SNRPN: variants seen among roughly 807,000 people sequenced by gnomAD.
The protein encoded by SNRPN is small nuclear ribonucleoprotein polypeptide N.
In SNRPN, 7 loss-of-function variants were observed where a neutral mutation model predicts 25.2. The observed-to-expected ratio is 0.28, with a 90% CI of 0.16 to 0.52. The LOEUF (loss-of-function observed/expected upper bound fraction) is 0.52. SNRPN is among the 20% of genes least tolerant of loss of function. SNRPN has a pLI of 0.96. For synonymous variants in SNRPN, 124 were observed against 110.6 expected (o/e 1.12, Z -0.76); for missense variants, 196 against 322.5 (o/e 0.61, Z 3.00).
At chr15:24,972,652 TTG>T (rs2076572103) in intron 3 of SNRPN, among the ~76,000 whole-genome samples, 1 of 151,672 alleles carries the variant, frequency 6.6e-6, no homozygotes, top group Non-Finnish European at 1.5e-5. Flanking sequence ...CAAAAGTAAT[TTG>T]TGTTTCATTT....
chr15:24,862,360 G>T (rs1292087124), intron 1 of SNRPN, among the ~76,000 whole-genome samples: 1 of 150,732 alleles, frequency 6.6e-6, no homozygotes, highest in African/African-American at 2.5e-5. Context: ...GATTGAGGGT[G>T]GGGAGGCTGG....
At chr15:24,921,745 A>G (rs1365673844) in intron 3 of SNRPN, among the ~76,000 whole-genome samples, 1 of 152,226 alleles carries the variant, frequency 6.6e-6, no homozygotes, top group Non-Finnish European at 1.5e-5. Flanking sequence ...CACTTGGCCT[A>G]TTGAAACTGG....
chr15:24,976,821 G>C, intron 6 of SNRPN, 56 bp from the exon 7 acceptor site: 1 of 1,501,098 alleles, frequency 6.7e-7, no homozygotes, highest in African/African-American at 1.4e-5. Flanking sequence ...TGATGAATAA[G>C]AATACTGAGA....
upstream of SNRPN, among the ~76,000 whole-genome samples, chr15:24,853,286 T>C (rs1009884555): frequency 6.6e-6 from 1 of 152,212 alleles, no homozygotes; most frequent in East Asian, 1.9e-4. Flanking sequence ...CCATCCAGGA[T>C]GACACATCAT....
chr15:24,959,735 A>G (rs533232202), intron 1 of SNRPN, among the ~76,000 whole-genome samples: 6 of 152,210 alleles, frequency 3.9e-5, no homozygotes, highest in Non-Finnish European at 8.8e-5. Flanking sequence ...TATGGCTGAA[A>G]GACATTCGTT....
At position 24,889,125 on chromosome 15, in the gene SNRPN, C is replaced by T. The variant is rs557425030; in HGVS notation, c.-505+2536C>T. 1.8e-4 allele frequency among the ~76,000 whole-genome samples: 27 copies of T among 152,030 alleles called. No individual in the cohort carries two copies. In the South Asian group the frequency reaches 5.4e-3, roughly 30 times the overall value. ...TAGAGACAGGGTTTCACCATGTTGG[C>T]CAGGCTGGTCTCGAACTCCTGACCT... On this transcript the variant is annotated intron_variant, in intron 2 of 11. Transcript: ENST00000400097.
upstream of SNRPN, among the ~76,000 whole-genome samples, chr15:24,951,757 C>T (rs569114057): frequency 6.6e-6 from 1 of 152,178 alleles, no homozygotes; most frequent in Non-Finnish European, 1.5e-5. Flanking sequence ...ATCTGCCTGC[C>T]TCAGTCTCCC....
rs1238471646 is a variant in SNRPN, at chr15:24,975,529, A to G, written c.155+20A>G. Reference sequence around the variant, plus strand: ...GATCAAGTAAGGCTGATTTGGGCAAATGGGGGTTGGACACAGAGGCAGTGG... The same window carrying G: ...GATCAAGTAAGGCTGATTTGGGCAAGTGGGGGTTGGACACAGAGGCAGTGG... On this transcript the variant is annotated intron_variant, in intron 5 of 9. Transcript: ENST00000390687. The G allele has an allele frequency of 6.2e-7, 1 of 1,608,618 alleles. No homozygotes were observed. Among genetic ancestry groups the G allele is most frequent in the Non-Finnish European group, 8.5e-7 (1 of 1,176,782 alleles).
chr15:24,873,853 T>C (rs1010416600), intron 1 of SNRPN, among the ~76,000 whole-genome samples: 8 of 152,098 alleles, frequency 5.3e-5, no homozygotes, highest in Non-Finnish European at 7.3e-5. Context: ...GAGTGAGAGA[T>C]GCAGCTGATC....
chr15:24,927,605 G>C (rs2060507461), intron 3 of SNRPN, among the ~76,000 whole-genome samples: 1 of 144,892 alleles, frequency 6.9e-6, no homozygotes, highest in African/African-American at 2.5e-5. Context: ...GATAATCATA[G>C]TAAAGATATT....
chr15:24,948,454 G>A (rs991807920), intron 3 of SNRPN, among the ~76,000 whole-genome samples: 1 of 152,062 alleles, frequency 6.6e-6, no homozygotes, highest in African/African-American at 2.4e-5. Flanking sequence ...AGATAGGAGA[G>A]AGTTCCCATG....
intron 2 of SNRPN, among the ~76,000 whole-genome samples, chr15:24,918,550 G>A (rs12439731): frequency 8.5e-5 from 9 of 105,418 alleles, no homozygotes; most frequent in South Asian, 3.1e-4. Flanking sequence ...ATATATGTGT[G>A]TATATATAAC....
At chr15:24,840,808 C>G (rs942233837) in intron 2 of SNRPN, among the ~76,000 whole-genome samples, 2 of 152,144 alleles carry the variant, frequency 1.3e-5, no homozygotes, top group African/African-American at 4.8e-5. Flanking sequence ...CCTTTTTGAC[C>G]AGCTAAACTG....
chr15:24,911,393 G>A (rs2059205915), intron 2 of SNRPN, among the ~76,000 whole-genome samples: 1 of 152,130 alleles, frequency 6.6e-6, no homozygotes, highest in African/African-American at 2.4e-5. Flanking sequence ...AACCATCACA[G>A]GCCCAAAGTG....
At position 24,978,656 on chromosome 15, in the gene SNRPN, C is replaced by T. The variant is rs2077328563; in HGVS notation, c.*212C>T. The T allele has an allele frequency of 1.2e-5, 7 of 590,512 alleles. No homozygotes were observed. The highest frequency in any genetic ancestry group is 1.8e-5 in the Non-Finnish European group (6 of 334,320). 36.6% of individuals were successfully genotyped at this position (590,512 alleles called of 1,614,324 possible). A position where few individuals can be genotyped will look rare whatever the true frequency, so the allele number is the denominator to read the frequency against. The stretch of plus-strand genomic sequence containing the variant: ...AAGTTACTGTGGATGAGGGTGATGC[C>T]TATTAAGCAGTTGATTCAAATCATA... On this transcript the variant is annotated 3_prime_UTR_variant, in exon 10 of 10. Transcript: ENST00000390687.
intron 3 of SNRPN, among the ~76,000 whole-genome samples, chr15:24,943,348 T>C (rs544899397): frequency 4.5e-4 from 69 of 152,284 alleles, no homozygotes; most frequent in African/African-American, 1.6e-3. Flanking sequence ...GCATGTTTTG[T>C]AGAACCATCT....
intron 2 of SNRPN, among the ~76,000 whole-genome samples, chr15:24,919,193 G>T (rs1179713963): frequency 4.0e-5 from 6 of 151,564 alleles, no homozygotes; most frequent in Non-Finnish European, 8.8e-5. Context: ...ACTTTGGGAG[G>T]CCGAGGCGGG....
chr15:24,860,454 G>A (rs2053891008), intron 1 of SNRPN, among the ~76,000 whole-genome samples: 1 of 152,164 alleles, frequency 6.6e-6, no homozygotes, highest in Non-Finnish European at 1.5e-5. Context: ...AATGAGAATT[G>A]TGTTGTTCAT....
intron 2 of SNRPN, among the ~76,000 whole-genome samples, chr15:24,890,304 A>G (rs2057566901): frequency 6.6e-6 from 1 of 152,164 alleles, no homozygotes; most frequent in African/African-American, 2.4e-5. Context: ...AACAGGTCTT[A>G]TGAATTTCTC....
Sources: gnomAD v4.1 joint callset for allele counts (sites outside exome capture counted in the v4.1 genomes callset) on GRCh38, gnomAD v4.1.1 for gene constraint, MANE v1.5 for transcripts, NCBI Gene and HGNC (gene_info 2026-07-23, HGNC 2026-07-21) for gene names.